BAHCC1: variants seen among roughly 807,000 people sequenced by gnomAD.
BAHCC1 encodes the protein BAH and coiled-coil domain-containing protein 1.
In BAHCC1, 43 loss-of-function variants were observed where a neutral mutation model predicts 88.2. The observed-to-expected ratio is 0.49, with a 90% confidence interval of 0.38 to 0.63. BAHCC1 has a LOEUF of 0.63. Ranked by LOEUF, BAHCC1 falls within the 20% of genes least tolerant of loss-of-function variation. BAHCC1 has a pLI of 0.00. For missense variants in BAHCC1, 3,023 were observed against 1,654.8 expected (o/e 1.83, Z -14.34); for synonymous variants, 1,510 against 745.5 (o/e 2.03, Z -16.71).
intron 15 of BAHCC1, among the ~76,000 whole-genome samples, chr17:81,455,717 C>G (rs2064736336): frequency 6.6e-6 from 1 of 152,214 alleles, no homozygotes; most frequent in Non-Finnish European, 1.5e-5. Flanking sequence ...TCAGGTGGCC[C>G]AGGGCACACT....
intron 10 of BAHCC1, chr17:81,446,832 TGTG>T (rs2064537325): frequency 1.5e-6 from 1 of 679,770 alleles, no homozygotes; most frequent in Non-Finnish European, 2.7e-6. Context: ...GGATTACAGG[TGTG>T]AGCTACTGCA....
Position 81,437,134 on chromosome 17 carries a change from G to A in BAHCC1, c.359-1236G>A, listed in dbSNP as rs544852233. On this transcript the variant is annotated intron_variant, in intron 3 of 27. Transcript: ENST00000675386. ...TTTCCAGGGAAGATTCAGAGCAGGA[G>A]TTTTAGAGGGTGAGGGCCCCCCGCC... is the stretch of plus-strand genomic sequence containing the variant. Among the ~76,000 whole-genome samples the A allele has an allele frequency of 2.6e-5, 4 of 152,328 alleles. No individual in the cohort carries two copies. The South Asian group carries it at 8.3e-4, about 32-fold the overall frequency.
chr17:81,419,670 C>G (rs1371830066), intron 2 of BAHCC1, among the ~76,000 whole-genome samples: 2 of 152,206 alleles, frequency 1.3e-5, no homozygotes, highest in East Asian at 3.9e-4. Context: ...AGCCGCCAGA[C>G]TCGGAGCCGG....
chr17:81,403,218 C>T (rs967319069), intron 2 of BAHCC1, among the ~76,000 whole-genome samples: 2 of 152,178 alleles, frequency 1.3e-5, no homozygotes, highest in Admixed American at 6.5e-5. Flanking sequence ...TGGCTGGGCC[C>T]GCTCCTGTCC....
chr17:81,429,141 T>C (rs2064232673), intron 3 of BAHCC1, among the ~76,000 whole-genome samples: 1 of 152,094 alleles, frequency 6.6e-6, no homozygotes, highest in East Asian at 1.9e-4. Context: ...TGGGCACGTG[T>C]GCGGGACAGT....
At chr17:81,431,337 C>G (rs1420834179) in intron 3 of BAHCC1, among the ~76,000 whole-genome samples, 2 of 135,026 alleles carry the variant, frequency 1.5e-5, no homozygotes, top group Non-Finnish European at 3.2e-5. Flanking sequence ...CCCCAGCCCG[C>G]TGAGACTTTA....
At chr17:81,441,489 C>G (rs577766840) in intron 4 of BAHCC1, among the ~76,000 whole-genome samples, 1 of 151,984 alleles carries the variant, frequency 6.6e-6, no homozygotes, top group South Asian at 2.1e-4. Flanking sequence ...GGTGAAACCC[C>G]GTCTCTACTA....
intron 2 of BAHCC1, among the ~76,000 whole-genome samples, chr17:81,404,701 C>T (rs1392642955): frequency 6.6e-6 from 1 of 152,252 alleles, no homozygotes; most frequent in Non-Finnish European, 1.5e-5. Flanking sequence ...AGGATGTTCG[C>T]TGTCAACTTA....
intron 1 of BAHCC1, chr17:81,396,100 C>G (rs1041418392): frequency 6.6e-6 from 1 of 152,266 alleles, no homozygotes; most frequent in Admixed American, 6.5e-5. Context: ...ATTCGCTCCC[C>G]TACCCTGCTC....
Position 81,442,372 on chromosome 17 carries a change from G to A in BAHCC1, c.1023G>A (p.Arg341=). 1 of 701,886 alleles carries A rather than the reference G, an allele frequency of 1.4e-6. No individual in the cohort carries two copies. The highest frequency in any genetic ancestry group is 2.6e-6 in the Non-Finnish European group (1 of 381,062). The allele number at this position is 701,886 out of a possible 1,614,324, so 43.5% of individuals were successfully genotyped here. Residue 341 remains arginine, a synonymous_variant, in exon 5 of 28, where the codon CGG becomes CGA. Transcript: ENST00000675386. ...GPAFSECLER[R]QMLHHTASYA... Reference sequence around the variant, plus strand: ...CCTTCAGCGAGTGCCTGGAGCGGCGGCAGATGCTACACCACACCGCATCCT... The same window carrying A: ...CCTTCAGCGAGTGCCTGGAGCGGCGACAGATGCTACACCACACCGCATCCT...
intron 1 of BAHCC1, among the ~76,000 whole-genome samples, chr17:81,397,870 C>T (rs545021940): frequency 7.9e-5 from 12 of 152,290 alleles, no homozygotes; most frequent in African/African-American, 1.9e-4. Context: ...ATTTACAATG[C>T]AAAAGCTCTC....
chr17:81,462,117 T>C (rs2030351637), intron 26 of BAHCC1, 71 bp downstream of exon 26: 1 of 654,406 alleles, frequency 1.5e-6, no homozygotes, highest in Non-Finnish European at 2.8e-6. Context: ...GCGCCCCTGC[T>C]GCCCTTCCCT....
In BAHCC1 at chr17:81,411,519, CCTT is replaced by C; in HGVS notation, c.178+11604_178+11606del. 1 of 122,202 alleles carries C rather than the reference CCTT, an allele frequency of 8.2e-6. No individual in the cohort carries two copies. Among genetic ancestry groups the C allele is most frequent in the South Asian group, 6.5e-5 (1 of 15,408 alleles). 7.6% of individuals were successfully genotyped at this position (122,202 alleles called of 1,614,324 possible). ...GCCTGCCTGCCTGCCTGCCTGCCTT[CCTT>C]CCTTCCTTCCTTCCTTCCTTCCTTC... On this transcript the variant is annotated intron_variant, in intron 2 of 27. Transcript: ENST00000675386. This position sits in a 1 kb window ranked among gnomAD's most constrained non-coding sequence, Gnocchi z 6.2.
At chr17:81,450,240 G>T (rs1418776010) in intron 11 of BAHCC1, among the ~76,000 whole-genome samples, 3 of 151,988 alleles carry the variant, frequency 2.0e-5, no homozygotes, top group Non-Finnish European at 4.4e-5. Context: ...CACCCCCACC[G>T]CAAGGTGTCT....
intron 1 of BAHCC1, chr17:81,396,130 G>C (rs1346670742): frequency 4.6e-5 from 7 of 152,302 alleles, no homozygotes; most frequent in Non-Finnish European, 8.8e-5. Context: ...GAACAGTCCT[G>C]GGTTGGCCCT....
At chr17:81,414,439 G>A (rs1195201550) in intron 2 of BAHCC1, among the ~76,000 whole-genome samples, 1 of 152,178 alleles carries the variant, frequency 6.6e-6, no homozygotes, top group Non-Finnish European at 1.5e-5. Flanking sequence ...GGCACTAGGA[G>A]CTGCCGGACC....
rs1555655933 is a variant in BAHCC1 at position 81,451,967 on chromosome 17, C to T, written c.4180-4C>T. On this transcript the variant is annotated splice_region_variant and splice_polypyrimidine_tract_variant and intron_variant, in intron 12 of 27. Coordinates refer to ENST00000675386, the MANE Select transcript of BAHCC1 (RefSeq NM_001377448.1). ...CTCACAGGCCCCTGTGCCCCCCCCACCAGGTGTGCCCCCTGAAGGCCGCCA... is the reference window on the plus strand; with the variant it reads ...CTCACAGGCCCCTGTGCCCCCCCCATCAGGTGTGCCCCCTGAAGGCCGCCA... The T allele has an allele frequency of 1.6e-6, 1 of 619,580 alleles. No individual in the cohort carries two copies. The highest frequency in any genetic ancestry group is 2.9e-6 in the Non-Finnish European group (1 of 346,302). The allele number at this position is 619,580 out of a possible 1,614,324, so 38.4% of individuals were successfully genotyped here.
In BAHCC1 at chr17:81,399,876, G is replaced by C; in HGVS notation, c.137G>C (p.Gly46Ala). ...AAQPPAHFQP[G>A]KYFPSPLPMA... ...CAGCCCCCCGCACACTTCCAGCCGG[G>C]AAAGTACTTCCCGTCGCCGTTGCCC... Residue 46 changes from glycine to alanine, a missense_variant, in exon 2 of 28, where the codon GGA (glycine) becomes GCA (alanine). Gly to Ala is a moderately conservative substitution (Grantham distance 60, BLOSUM62 0). Coordinates refer to ENST00000675386, the MANE Select transcript of BAHCC1 (RefSeq NM_001377448.1). This position sits in a 1 kb window ranked among gnomAD's most constrained non-coding sequence, Gnocchi z 4.5. 6.9e-7 allele frequency: 1 copy of C among 1,451,470 alleles called. No homozygotes were observed. Among genetic ancestry groups the C allele is most frequent in the Non-Finnish European group, 9.1e-7 (1 of 1,100,474 alleles). 89.9% of individuals were successfully genotyped at this position (1,451,470 alleles called of 1,614,324 possible).
At chr17:81,426,131 TTGG>T (rs2064194341) in intron 2 of BAHCC1, among the ~76,000 whole-genome samples, 1 of 121,160 alleles carries the variant, frequency 8.3e-6, no homozygotes, top group Non-Finnish European at 1.9e-5. Flanking sequence ...GTGATAGTGG[TTGG>T]TGGTGATAGT....
Sources: gnomAD v4.1 joint callset for allele counts (sites outside exome capture counted in the v4.1 genomes callset) on GRCh38, gnomAD v4.1.1 for gene constraint, Gnocchi (gnomAD v3.1) non-coding constraint, MANE v1.5 for transcripts, NCBI Gene and HGNC (gene_info 2026-07-23, HGNC 2026-07-21) for gene names.